Variants in LYZL4 observed in about 807,000 individuals in gnomAD.
LYZL4 encodes lysozyme like 4, also known as lysozyme-like protein 4.
Under a neutral mutation model 17.6 loss-of-function variants are expected in LYZL4, and 13 were observed. That is an observed-to-expected ratio of 0.74 (90% CI 0.48 to 1.18). The LOEUF (loss-of-function observed/expected upper bound fraction) is 1.18, where lower values mean the gene tolerates loss of function less well. LYZL4 is among the 50% of genes most tolerant of loss of function. The probability of loss-of-function intolerance (pLI) is 0.00; values close to 1 mark genes in which losing one functional copy is unlikely to be tolerated. For synonymous variants in LYZL4, 64 were observed against 67.7 expected, an observed-to-expected ratio of 0.95 and a Z score of 0.27; for missense variants, 174 against 188.2, an observed-to-expected ratio of 0.92 and a Z score of 0.44.
the LYZL4 span, among the ~76,000 whole-genome samples, chr3:42,385,410 G>A: frequency 4.6e-5 from 7 of 152,212 alleles, no homozygotes; most frequent in Non-Finnish European, 1.0e-4. Flanking sequence ...AACATGGTGT[G>A]CAAGTCTGTA....
the LYZL4 span, among the ~76,000 whole-genome samples, chr3:42,367,665 C>A: frequency 6.6e-6 from 1 of 152,128 alleles, no homozygotes; most frequent in African/African-American, 2.4e-5. Flanking sequence ...GAATAAGATG[C>A]CCAAAGGAAG....
At chr3:42,362,016 C>T in the LYZL4 span, among the ~76,000 whole-genome samples, 6 of 152,030 alleles carry the variant, frequency 3.9e-5, no homozygotes, top group Non-Finnish European at 7.4e-5. Flanking sequence ...GTGAGGTGTA[C>T]ATTAGGAACA....
At chr3:42,372,575 T>C in the LYZL4 span, among the ~76,000 whole-genome samples, 1 of 152,150 alleles carries the variant, frequency 6.6e-6, no homozygotes, top group Non-Finnish European at 1.5e-5. Flanking sequence ...TGGGCACCTT[T>C]AAGAGTCAGG....
the LYZL4 span, among the ~76,000 whole-genome samples, chr3:42,371,410 G>A: frequency 2.0e-5 from 3 of 152,162 alleles, no homozygotes; most frequent in Non-Finnish European, 4.4e-5. Flanking sequence ...GAACAAGGGT[G>A]TACTCTAAAG....
chr3:42,377,336 T>G, the LYZL4 span, among the ~76,000 whole-genome samples: 2 of 152,158 alleles, frequency 1.3e-5, no homozygotes, highest in Non-Finnish European at 2.9e-5. Context: ...TTATAATAAG[T>G]TTCCTTAGGT....
intron 2 of LYZL4, 26 bp downstream of exon 2, chr3:42,407,083 AGGAG>A: frequency 6.2e-7 from 1 of 1,613,992 alleles, no homozygotes; most frequent in Non-Finnish European, 8.5e-7. Flanking sequence ...AGGAGGTGAG[AGGAG>A]GGAGCACTAA....
At chr3:42,383,497 C>T in the LYZL4 span, among the ~76,000 whole-genome samples, 3 of 147,750 alleles carry the variant, frequency 2.0e-5, no homozygotes, top group Non-Finnish European at 1.5e-5. Context: ...GCTTATATAA[C>T]TTGATGAACC....
chr3:42,369,886 T>C, the LYZL4 span, among the ~76,000 whole-genome samples: 1 of 152,164 alleles, frequency 6.6e-6, no homozygotes, highest in African/African-American at 2.4e-5. Flanking sequence ...CACCTGGGTC[T>C]GAGCAGGAAT....
chr3:42,406,676 G>A (rs149371883), intron 3 of LYZL4, among the ~76,000 whole-genome samples, 170 bp downstream of exon 3: 32 of 152,120 alleles, frequency 2.1e-4, no homozygotes, highest in Admixed American at 1.7e-3. Flanking sequence ...TGATCTCACT[G>A]TACCCCCAGC....
chr3:42,394,547 G>T (rs1171512610), downstream of LYZL4, among the ~76,000 whole-genome samples: 1 of 152,194 alleles, frequency 6.6e-6, no homozygotes, highest in African/African-American at 2.4e-5. Context: ...TATTTATATG[G>T]TTGGAGTTAA....
At chr3:42,407,780 C>T (rs1429894395) in intron 1 of LYZL4, among the ~76,000 whole-genome samples, 3 of 151,998 alleles carry the variant, frequency 2.0e-5, no homozygotes, top group Non-Finnish European at 2.9e-5. Flanking sequence ...CCATTACTGC[C>T]TCTTATGCGT....
the LYZL4 span, among the ~76,000 whole-genome samples, chr3:42,374,420 T>A: frequency 6.6e-6 from 1 of 152,236 alleles, no homozygotes; most frequent in African/African-American, 2.4e-5. Flanking sequence ...GACCTCTTCA[T>A]CTATTCTTCA....
the LYZL4 span, among the ~76,000 whole-genome samples, chr3:42,363,981 C>G: frequency 6.6e-6 from 1 of 152,196 alleles, no homozygotes; most frequent in African/African-American, 2.4e-5. Context: ...ATGACCCACA[C>G]AGGCAAAGGC....
chr3:42,392,244 C>T (rs2125597703), downstream of LYZL4, among the ~76,000 whole-genome samples: 1 of 152,194 alleles, frequency 6.6e-6, no homozygotes, highest in South Asian at 2.1e-4. Flanking sequence ...CTGGGAGCAC[C>T]CGCAGTTCAT....
the LYZL4 span, among the ~76,000 whole-genome samples, chr3:42,388,471 G>A: frequency 6.6e-6 from 1 of 152,150 alleles, no homozygotes; most frequent in East Asian, 1.9e-4. Flanking sequence ...CCAGGCTTGG[G>A]GTTATTCAGA....
At chr3:42,370,569 TTTG>T in the LYZL4 span, among the ~76,000 whole-genome samples, 2 of 152,220 alleles carry the variant, frequency 1.3e-5, no homozygotes, top group African/African-American at 2.4e-5. Flanking sequence ...AAATGAAATG[TTTG>T]TTGTTGTGAA....
At chr3:42,391,817 G>C in the LYZL4 span, among the ~76,000 whole-genome samples, 6 of 152,010 alleles carry the variant, frequency 3.9e-5, no homozygotes, top group Middle Eastern at 3.4e-3. Context: ...ATGTTTTTTT[G>C]ATGGTGTAAG....
At chr3:42,362,035 GA>G in the LYZL4 span, among the ~76,000 whole-genome samples, 2 of 152,072 alleles carry the variant, frequency 1.3e-5, no homozygotes, top group Non-Finnish European at 2.9e-5. Context: ...CATGTCACAA[GA>G]GCCAGTTGGC....
At chr3:42,389,822 G>T in the LYZL4 span, among the ~76,000 whole-genome samples, 1 of 152,172 alleles carries the variant, frequency 6.6e-6, no homozygotes, top group East Asian at 1.9e-4. Flanking sequence ...TCCATAAGCG[G>T]GATTCCTATA....
Sources: allele counts gnomAD v4.1 joint callset (sites outside exome capture counted in the v4.1 genomes callset), GRCh38; gene constraint gnomAD v4.1.1; transcripts MANE v1.5; gene names NCBI Gene and HGNC (gene_info 2026-07-23, HGNC 2026-07-21).